The following CNTN3 variants were observed in gnomAD, a reference collection of about 807,000 sequenced individuals.
CNTN3 encodes the protein contactin-3.
Under a neutral mutation model 119.1 loss-of-function variants are expected in CNTN3, and 60 were observed. The ratio of observed to expected loss-of-function variants is 0.50; its 90% CI spans 0.41 to 0.62. CNTN3 has a LOEUF of 0.62. Among genes scored for constraint, CNTN3 ranks in the 20% least tolerant of loss-of-function variants. The pLI is 0.00. For missense variants in CNTN3, 1,101 were observed against 1,242.4 expected, an observed-to-expected ratio of 0.89 and a Z score of 1.71; for synonymous variants, 450 against 438.7, an observed-to-expected ratio of 1.03 and a Z score of -0.32.
chr3:74,310,033 T>C (rs1702646467), intron 13 of CNTN3, among the ~76,000 whole-genome samples: 1 of 152,228 alleles, frequency 6.6e-6, no homozygotes, highest in African/African-American at 2.4e-5. Flanking sequence ...CTAGGATTAC[T>C]CTTGATTGAT....
intron 18 of CNTN3, among the ~76,000 whole-genome samples, chr3:74,296,204 T>C (rs1702335219): frequency 2.0e-5 from 3 of 152,126 alleles, no homozygotes; most frequent in Admixed American, 2.0e-4. Context: ...TTTTCATGTT[T>C]GAACAGAAAG....
chr3:74,374,384 T>C lies in CNTN3; in HGVS notation c.455-2985A>G, dbSNP rs141601646. ...TGTCTCAGGGAATCTCAACATGGGGTTTCTGAAATTGAGTAACAGACTCTC... is the reference window on the plus strand; with the variant it reads ...TGTCTCAGGGAATCTCAACATGGGGCTTCTGAAATTGAGTAACAGACTCTC... On this transcript the variant is annotated intron_variant, in intron 5 of 22. Transcript: ENST00000263665. Among the ~76,000 whole-genome samples the C allele has an allele frequency of 5.2e-3, 791 of 152,012 alleles. 5 individuals carry two copies. Among genetic ancestry groups the C allele is most frequent in the Middle Eastern group, 0.02 (6 of 294 alleles).
chr3:74,494,245 G>C (rs942328827), intron 3 of CNTN3, among the ~76,000 whole-genome samples: 9 of 152,010 alleles, frequency 5.9e-5, no homozygotes, highest in African/African-American at 1.9e-4. Context: ...GATTTAGCTT[G>C]TGTTTGATCA....
In CNTN3 at chr3:74,369,416, C is replaced by T. The variant is rs775356371; in HGVS notation, c.762-43G>A. On this transcript the variant is annotated intron_variant, in intron 7 of 22. Coordinates refer to ENST00000263665, the MANE Select transcript of CNTN3 (RefSeq NM_020872.3). The stretch of plus-strand genomic sequence containing the variant: ...AAGTTGTCTGCTATTGTCTGGAAGC[C>T]TTTTCAACTTGAGAAAATAAAGCTT... 2.3e-4 allele frequency: 328 copies of T among 1,450,530 alleles called. 1 individual carries two copies. Among genetic ancestry groups the T allele is most frequent in the Middle Eastern group, 3.6e-4 (2 of 5,496 alleles). 89.9% of individuals were successfully genotyped at this position (1,450,530 alleles called of 1,614,324 possible). A position where few individuals can be genotyped will look rare whatever the true frequency, so the allele number is the denominator to read the frequency against.
Position 74,301,795 on chromosome 3 carries a change from T to TCCA in CNTN3, c.1794_1796dup (p.Gly599dup), listed in dbSNP as rs774071251. ...CATCTACCTTCACATTTTCTGGTGG[T>TCCA]CCAGGTGAACCTAAGGAAGGCACAA... On this transcript the variant is annotated inframe_insertion, in exon 15 of 23. Transcript: ENST00000263665. 6.2e-7 allele frequency: 1 copy of TCCA among 1,613,922 alleles called. No individual in the cohort carries two copies. Among genetic ancestry groups the TCCA allele is most frequent in the South Asian group, 1.1e-5 (1 of 91,068 alleles).
intron 8 of CNTN3, 42 bp from the exon 9 acceptor site, chr3:74,365,744 C>A: frequency 6.3e-7 from 1 of 1,581,504 alleles, no homozygotes; most frequent in Non-Finnish European, 8.6e-7. Flanking sequence ...ATTTAAACCA[C>A]CCAGCAAATA....
chr3:74,497,284 A>G (rs1019844982), intron 3 of CNTN3, among the ~76,000 whole-genome samples: 3 of 152,020 alleles, frequency 2.0e-5, no homozygotes, highest in Non-Finnish European at 4.4e-5. Context: ...CATTTTAAAG[A>G]ATAATGTGAA....
intron 4 of CNTN3, among the ~76,000 whole-genome samples, chr3:74,451,680 T>C (rs939406783): frequency 2.0e-5 from 3 of 151,738 alleles, no homozygotes; most frequent in African/African-American, 7.3e-5. Context: ...CCATCTTGAA[T>C]TGATTTTTGT....
At chr3:74,315,317 G>A (rs571547792) in intron 13 of CNTN3, among the ~76,000 whole-genome samples, 5 of 152,248 alleles carry the variant, frequency 3.3e-5, no homozygotes, top group South Asian at 4.1e-4. Flanking sequence ...AGCAGATCTC[G>A]AGGCTGCTCT....
intron 1 of CNTN3, among the ~76,000 whole-genome samples, chr3:74,553,239 T>A (rs1704019710): frequency 6.6e-6 from 1 of 152,186 alleles, no homozygotes; most frequent in Non-Finnish European, 1.5e-5. Flanking sequence ...TTCAGCTTTA[T>A]CCAAGTCCCT....
At chr3:74,610,060 C>A (rs1705054979) in intron 1 of CNTN3, among the ~76,000 whole-genome samples, 1 of 152,108 alleles carries the variant, frequency 6.6e-6, no homozygotes, top group African/African-American at 2.4e-5. Flanking sequence ...CAGCGGCTCA[C>A]ACCTATAATC....
At position 74,456,530 on chromosome 3, in the gene CNTN3, T is replaced by C. The variant is rs561230379; in HGVS notation, c.358+29926A>G. On this transcript the variant is annotated intron_variant, in intron 4 of 22. Transcript: ENST00000263665. ...AAGTACAATGTTAAAATACTAACAA[T>C]GTCAGCATGGAGGAATGGATGAAAA... is the stretch of plus-strand genomic sequence containing the variant. 2.6e-5 allele frequency among the ~76,000 whole-genome samples: 4 copies of C among 152,206 alleles called. No homozygotes were observed. The South Asian group carries it at 8.3e-4, about 31-fold the overall frequency.
At chr3:74,572,762 C>G (rs1704354863) in intron 1 of CNTN3, among the ~76,000 whole-genome samples, 1 of 152,098 alleles carries the variant, frequency 6.6e-6, no homozygotes, top group Admixed American at 6.5e-5. Flanking sequence ...GAAAAAAGAC[C>G]TCTGTTTTGC....
intron 1 of CNTN3, among the ~76,000 whole-genome samples, chr3:74,551,510 G>A (rs1180602295): frequency 6.6e-6 from 1 of 151,762 alleles, no homozygotes; most frequent in South Asian, 2.1e-4. Flanking sequence ...GTTTACATTA[G>A]GGTTCACTCT....
intron 10 of CNTN3, among the ~76,000 whole-genome samples, chr3:74,363,677 T>C (rs934790595): frequency 1.3e-5 from 2 of 152,156 alleles, no homozygotes; most frequent in African/African-American, 4.8e-5. Context: ...TCCACTGGAA[T>C]GACTGTGGTA....
chr3:74,455,174 AGTC>A (rs1702244130), intron 4 of CNTN3, among the ~76,000 whole-genome samples: 1 of 152,064 alleles, frequency 6.6e-6, no homozygotes, highest in Non-Finnish European at 1.5e-5. Context: ...CTTTTCACAT[AGTC>A]CCATATTTCT....
chr3:74,390,265 T>C (rs2106827015), intron 5 of CNTN3, among the ~76,000 whole-genome samples: 2 of 152,286 alleles, frequency 1.3e-5, no homozygotes, highest in Middle Eastern at 3.4e-3. Flanking sequence ...AGGCCCGGAA[T>C]GTGGAATGTG....
Position 74,295,220 on chromosome 3 carries a change from T to C in CNTN3, c.2418A>G (p.Pro806=). The C allele has an allele frequency of 1.2e-6, 2 of 1,606,060 alleles. No individual in the cohort carries two copies. Among genetic ancestry groups the C allele is most frequent in the Non-Finnish European group, 1.7e-6 (2 of 1,172,790 alleles). ...FSAEEEPTVA[P]SQVSANSLSS... ...ATAGGCTATTTGCAGAGACTTGAGA[T>C]GGGGCCACTGTAGGCTCTGTTCGGA... is the stretch of plus-strand genomic sequence containing the variant. Residue 806 remains proline, a synonymous_variant, in exon 19 of 23, where the codon CCA becomes CCG. Coordinates refer to ENST00000263665, the MANE Select transcript of CNTN3 (RefSeq NM_020872.3).
chr3:74,276,799 G>T (rs1575692109), intron 20 of CNTN3, among the ~76,000 whole-genome samples: 2 of 152,026 alleles, frequency 1.3e-5, no homozygotes, highest in African/African-American at 4.8e-5. Context: ...AGAACTAAAT[G>T]AAATTTAAAC....
Sources: allele counts gnomAD v4.1 joint callset (sites outside exome capture counted in the v4.1 genomes callset), GRCh38; gene constraint gnomAD v4.1.1; transcripts MANE v1.5; gene names NCBI Gene and HGNC (gene_info 2026-07-23, HGNC 2026-07-21).